The following RNF13 variants were observed in gnomAD, a reference collection of about 807,000 sequenced individuals.
RNF13 encodes E3 ubiquitin-protein ligase RNF13.
RNF13 carries 19 observed loss-of-function variants against 37.7 expected under a neutral mutation model. The ratio of observed to expected loss-of-function variants is 0.50; its 90% confidence interval spans 0.35 to 0.74. The LOEUF is 0.74. Ranked by LOEUF, RNF13 falls within the 30% of genes least tolerant of loss-of-function variation. The probability of loss-of-function intolerance (pLI) is 0.01; values close to 1 mark genes in which losing one functional copy is unlikely to be tolerated. For synonymous variants in RNF13, 144 were observed against 157.8 expected, an observed-to-expected ratio of 0.91 and a Z score of 0.65; for missense variants, 375 against 453.0, an observed-to-expected ratio of 0.83 and a Z score of 1.56.
intron 4 of RNF13, among the ~76,000 whole-genome samples, chr3:149,878,707 AGAT>A (rs1713035859): frequency 6.6e-6 from 1 of 152,226 alleles, no homozygotes; most frequent in African/African-American, 2.4e-5. Flanking sequence ...GGACTCAAAA[AGAT>A]GATCATAGCT....
At chr3:149,831,763 T>C (rs1358423904) in intron 1 of RNF13, among the ~76,000 whole-genome samples, 1 of 152,170 alleles carries the variant, frequency 6.6e-6, no homozygotes, top group African/African-American at 2.4e-5. Flanking sequence ...TATTTCTTCA[T>C]AGCAGTATGA....
At chr3:149,915,476 G>A (rs144982017) in intron 7 of RNF13, among the ~76,000 whole-genome samples, 130 of 152,196 alleles carry the variant, frequency 8.5e-4, no homozygotes, top group Non-Finnish European at 9.0e-4. Flanking sequence ...ATAAAACATG[G>A]ATCTGGTAAT....
intron 6 of RNF13, among the ~76,000 whole-genome samples, chr3:149,907,356 T>A (rs1345407081): frequency 1.3e-5 from 2 of 152,328 alleles, no homozygotes; most frequent in South Asian, 4.1e-4. Flanking sequence ...TTTCTTTAAG[T>A]AAGATTCTGG....
intron 6 of RNF13, among the ~76,000 whole-genome samples, chr3:149,903,260 AGAGAG>A (rs1307614827): frequency 2.2e-4 from 33 of 152,224 alleles, no homozygotes; most frequent in Non-Finnish European, 4.4e-4. Flanking sequence ...CTTGGTTAAA[AGAGAG>A]GAGAATTAGT....
chr3:149,853,133 G>A (rs1723267953), intron 3 of RNF13, among the ~76,000 whole-genome samples: 2 of 151,906 alleles, frequency 1.3e-5, no homozygotes, highest in South Asian at 2.1e-4. Context: ...TTTCATAGTG[G>A]ATATTTAGGT....
At chr3:149,924,271 T>G (rs905668914) in intron 8 of RNF13, among the ~76,000 whole-genome samples, 1 of 152,162 alleles carries the variant, frequency 6.6e-6, no homozygotes, top group Non-Finnish European at 1.5e-5. Context: ...ATTGAACATA[T>G]GGAATTTCAG....
Position 149,821,498 on chromosome 3 carries a change from T to C in RNF13, c.-17+8145T>C, listed in dbSNP as rs1442630286. Among the ~76,000 whole-genome samples, 7 of 152,164 alleles carry C rather than the reference T, an allele frequency of 4.6e-5. 1 individual carries two copies. In the South Asian group the frequency reaches 1.4e-3, roughly 31 times the overall value. ...AAATGTCTATTCAAGTTCTTTGCCCTTTTAAAAAACTACATTGTTGGTGTT... is the reference window on the plus strand; with the variant it reads ...AAATGTCTATTCAAGTTCTTTGCCCCTTTAAAAAACTACATTGTTGGTGTT... On this transcript the variant is annotated intron_variant, in intron 1 of 9. Transcript: ENST00000392894.
intron 8 of RNF13, among the ~76,000 whole-genome samples, chr3:149,923,467 T>TA: frequency 6.6e-6 from 1 of 152,140 alleles, no homozygotes; most frequent in Admixed American, 6.6e-5. Context: ...TTTGTGTGTT[T>TA]AAAAATATGT....
chr3:149,929,343 C>G (rs116120641), intron 8 of RNF13, among the ~76,000 whole-genome samples: 4,541 of 152,178 alleles, frequency 0.03, 78 homozygotes, highest in South Asian at 0.037. Context: ...ACTATCATGA[C>G]AATAGCGTGG....
chr3:149,819,245 T>C (rs1207194179), intron 1 of RNF13, among the ~76,000 whole-genome samples: 2 of 152,218 alleles, frequency 1.3e-5, no homozygotes, highest in Non-Finnish European at 2.9e-5. Context: ...AAGCTAAATA[T>C]ATACTCTTAG....
intron 4 of RNF13, among the ~76,000 whole-genome samples, chr3:149,888,965 G>T (rs1714348962): frequency 6.6e-6 from 1 of 152,156 alleles, no homozygotes; most frequent in South Asian, 2.1e-4. Context: ...TTGAGATGGA[G>T]TCTTGCTCTG....
At chr3:149,942,618 A>G (rs1720384264) in intron 8 of RNF13, among the ~76,000 whole-genome samples, 3 of 152,058 alleles carry the variant, frequency 2.0e-5, no homozygotes, top group Admixed American at 2.0e-4. Flanking sequence ...GCTAATTTTA[A>G]CAGTTTGTAT....
chr3:149,946,152 G>T (rs1720756098), intron 8 of RNF13, among the ~76,000 whole-genome samples: 1 of 152,266 alleles, frequency 6.6e-6, no homozygotes, highest in East Asian at 1.9e-4. Context: ...CCATCCCAAA[G>T]AATCTAAAAA....
At chr3:149,832,194 TG>T (rs1272124455) in intron 1 of RNF13, among the ~76,000 whole-genome samples, 3 of 152,178 alleles carry the variant, frequency 2.0e-5, no homozygotes, top group African/African-American at 7.2e-5. Flanking sequence ...TGGAATATTT[TG>T]GTCCAGTTCT....
intron 5 of RNF13, among the ~76,000 whole-genome samples, chr3:149,898,336 A>G (rs923767715): frequency 8.6e-5 from 13 of 151,990 alleles, no homozygotes; most frequent in African/African-American, 2.7e-4. Flanking sequence ...TCTTTCTTCA[A>G]CAAATGCATT....
chr3:149,878,601 C>T (rs55915127), intron 4 of RNF13, among the ~76,000 whole-genome samples: 109 of 152,286 alleles, frequency 7.2e-4, no homozygotes, highest in Non-Finnish European at 1.3e-3. Flanking sequence ...TTTACATTCA[C>T]AATCTGAATC....
chr3:149,819,021 G>A (rs971335193), intron 1 of RNF13, among the ~76,000 whole-genome samples: 4 of 152,208 alleles, frequency 2.6e-5, no homozygotes, highest in African/African-American at 9.7e-5. Flanking sequence ...ATGGGAGTCT[G>A]GGTGTCACCC....
At chr3:149,846,859 T>G (rs946197205) in intron 2 of RNF13, among the ~76,000 whole-genome samples, 2 of 152,236 alleles carry the variant, frequency 1.3e-5, no homozygotes, top group African/African-American at 4.8e-5. Context: ...ATAGAAAATT[T>G]CAACCCAAGA....
chr3:149,885,247 C>G (rs1476441217), intron 4 of RNF13, among the ~76,000 whole-genome samples: 2 of 151,990 alleles, frequency 1.3e-5, no homozygotes, highest in Non-Finnish European at 2.9e-5. Context: ...ATATACCCAG[C>G]ACTGAGGTTG....
Sources: allele counts gnomAD v4.1 joint callset (sites outside exome capture counted in the v4.1 genomes callset), GRCh38; gene constraint gnomAD v4.1.1; transcripts MANE v1.5; gene names NCBI Gene and HGNC (gene_info 2026-07-23, HGNC 2026-07-21).